The following RELN variants were observed in gnomAD, a reference collection of about 807,000 sequenced individuals.
The protein encoded by RELN is reelin.
A neutral mutation model predicts 427.6 loss-of-function variants in RELN; 108 were observed. That is an observed-to-expected ratio of 0.25 (90% confidence interval 0.22 to 0.30). The LOEUF is 0.30. RELN is among the 10% of genes least tolerant of loss of function. The pLI is 1.00. For synonymous variants in RELN, 1,524 were observed against 1,513.4 expected (o/e 1.01, Z -0.16); for missense variants, 3,715 against 4,302.8 (o/e 0.86, Z 3.82).
chr7:103,589,964 T>C, intron 27 of RELN, 136 bp from the exon 28 acceptor site: 1 of 698,926 alleles, frequency 1.4e-6, no homozygotes, highest in Middle Eastern at 3.3e-4. Flanking sequence ...GTGAGCTCAG[T>C]CCCAACCAAG....
At chr7:103,908,369 T>A (rs772141115) in intron 2 of RELN, among the ~76,000 whole-genome samples, 1 of 152,200 alleles carries the variant, frequency 6.6e-6, no homozygotes, top group Non-Finnish European at 1.5e-5. Flanking sequence ...TTTGAACTGA[T>A]AATCTCATTT....
intron 2 of RELN, among the ~76,000 whole-genome samples, chr7:103,910,407 C>T (rs1171955068): frequency 6.6e-6 from 1 of 151,448 alleles, no homozygotes; most frequent in African/African-American, 2.4e-5. Flanking sequence ...CCTTTATTTC[C>T]TTCTCCTGCC....
intron 61 of RELN, 98 bp from the exon 62 acceptor site, chr7:103,483,948 C>T (rs1334210724): frequency 1.8e-5 from 21 of 1,194,524 alleles, no homozygotes; most frequent in African/African-American, 1.2e-4. Flanking sequence ...GGTGTGATCT[C>T]GGCTCACTAC....
chr7:103,642,482 A>T (rs1242531019), intron 16 of RELN, among the ~76,000 whole-genome samples: 1 of 151,804 alleles, frequency 6.6e-6, no homozygotes, highest in Non-Finnish European at 1.5e-5. Context: ...ATGATAACAG[A>T]ATTAAAGAGA....
chr7:103,945,573 C>G lies in RELN; in HGVS notation c.227-28388G>C, dbSNP rs141053096. Among the ~76,000 whole-genome samples the G allele has an allele frequency of 6.9e-3, 1,049 of 152,268 alleles. 11 individuals are homozygous for G. Among genetic ancestry groups the G allele is most frequent in the African/African-American group, 0.024 (981 of 41,538 alleles). ...ACAAGCCACATGATACTTCCTTTTC[C>G]TCAGGGAAGATTTCCCTAATCCCCG... On this transcript the variant is annotated intron_variant, in intron 1 of 64. Transcript: ENST00000428762.
chr7:103,628,294 C>T (rs549130068), intron 20 of RELN: 5 of 152,226 alleles, frequency 3.3e-5, no homozygotes, highest in Admixed American at 6.6e-5. Context: ...GAAAATGTGT[C>T]GTTTGAGCCC....
At position 103,640,189 on chromosome 7, in the gene RELN, T is replaced by C. The variant is rs1440649292; in HGVS notation, c.2069+354A>G. On this transcript the variant is annotated intron_variant, in intron 17 of 64. Coordinates refer to ENST00000428762, the MANE Select transcript of RELN (RefSeq NM_005045.4). This position sits in a 1 kb window ranked among gnomAD's most constrained non-coding sequence, Gnocchi z 4.1. The stretch of plus-strand genomic sequence containing the variant: ...TATGGGTCATTACTGATTTTTACAA[T>C]CATTTACAAAGCATGCTAGGAATTA... Among the ~76,000 whole-genome samples the C allele has an allele frequency of 6.6e-6, 1 of 152,106 alleles. No homozygotes were observed. Among genetic ancestry groups the C allele is most frequent in the East Asian group, 1.9e-4 (1 of 5,192 alleles).
intron 2 of RELN, among the ~76,000 whole-genome samples, chr7:103,859,183 C>G (rs934382071): frequency 6.6e-6 from 1 of 152,160 alleles, no homozygotes; most frequent in South Asian, 2.1e-4. Context: ...TTGGGAATTT[C>G]TCAAGTGTGT....
chr7:103,491,089 T>TGACA (rs1828635210), intron 58 of RELN, among the ~76,000 whole-genome samples: 1 of 152,352 alleles, frequency 6.6e-6, no homozygotes, highest in Non-Finnish European at 1.5e-5. Flanking sequence ...TTCTTCCTAC[T>TGACA]GACATTGTTA....
chr7:103,831,966 T>C (rs935220379), intron 3 of RELN, among the ~76,000 whole-genome samples: 3 of 152,082 alleles, frequency 2.0e-5, no homozygotes, highest in African/African-American at 7.2e-5. Flanking sequence ...CAAAACATAC[T>C]GGAAGGAAAA....
intron 64 of RELN, among the ~76,000 whole-genome samples, chr7:103,476,503 C>A (rs1235354873): frequency 6.6e-6 from 1 of 151,864 alleles, no homozygotes; most frequent in Non-Finnish European, 1.5e-5. Flanking sequence ...AACAAACAAA[C>A]AAAAAAACCA....
intron 1 of RELN, among the ~76,000 whole-genome samples, chr7:103,957,927 C>T (rs1796468930): frequency 6.6e-6 from 1 of 152,154 alleles, no homozygotes; most frequent in Admixed American, 6.5e-5. Flanking sequence ...AGTTGTCTCA[C>T]AAGCACTGGA....
chr7:103,969,068 GT>G (rs892454327), intron 1 of RELN, among the ~76,000 whole-genome samples: 4 of 151,778 alleles, frequency 2.6e-5, no homozygotes, highest in African/African-American at 9.7e-5. Flanking sequence ...TTCCCCAAAG[GT>G]TTAGAGAAAG....
intron 1 of RELN, among the ~76,000 whole-genome samples, chr7:103,917,661 G>A (rs182356733): frequency 1.3e-5 from 2 of 151,700 alleles, no homozygotes; most frequent in East Asian, 3.9e-4. Flanking sequence ...TTTCAAAGAT[G>A]AGTTCCCTGA....
chr7:103,909,686 TAA>T (rs1795300212), intron 2 of RELN, among the ~76,000 whole-genome samples: 3 of 69,216 alleles, frequency 4.3e-5, no homozygotes, highest in African/African-American at 2.4e-4. Flanking sequence ...ATATATTTAA[TAA>T]ATATATATAT....
intron 6 of RELN, among the ~76,000 whole-genome samples, chr7:103,743,671 G>T (rs1046581503): frequency 6.6e-6 from 1 of 151,996 alleles, no homozygotes; most frequent in Non-Finnish European, 1.5e-5. Context: ...AAAGAAGGAC[G>T]TTACATAATG....
chr7:103,645,494 T>C (rs1832779716), intron 16 of RELN, among the ~76,000 whole-genome samples: 1 of 151,680 alleles, frequency 6.6e-6, no homozygotes, highest in Non-Finnish European at 1.5e-5. Flanking sequence ...TTATCTAAGA[T>C]AAAACAGACT....
chr7:103,707,407 T>C (rs1481055028), intron 8 of RELN, among the ~76,000 whole-genome samples: 1 of 152,180 alleles, frequency 6.6e-6, no homozygotes, highest in South Asian at 2.1e-4. Context: ...TAACCTGATA[T>C]AATACTGCAA....
intron 1 of RELN, among the ~76,000 whole-genome samples, chr7:103,938,739 A>T (rs1315242005): frequency 2.0e-5 from 3 of 152,220 alleles, no homozygotes; most frequent in Non-Finnish European, 2.9e-5. Context: ...GTCATCTGTG[A>T]GGAAACAATG....
Sources: gnomAD v4.1 joint callset for allele counts (sites outside exome capture counted in the v4.1 genomes callset) on GRCh38, gnomAD v4.1.1 for gene constraint, Gnocchi (gnomAD v3.1) non-coding constraint, MANE v1.5 for transcripts, NCBI Gene and HGNC (gene_info 2026-07-23, HGNC 2026-07-21) for gene names.